Variants in CTNNA1 observed in about 807,000 individuals in gnomAD.
The protein encoded by CTNNA1 is catenin alpha-1.
CTNNA1 carries 37 observed loss-of-function variants against 98.4 expected under a neutral mutation model. That is an observed-to-expected ratio of 0.38 (90% CI 0.29 to 0.49). CTNNA1 has a LOEUF of 0.49. Ranked by LOEUF, CTNNA1 falls within the 20% of genes least tolerant of loss-of-function variation. CTNNA1 has a pLI of 0.95. For synonymous variants in CTNNA1, 404 were observed against 413.2 expected (o/e 0.98, Z 0.27); for missense variants, 761 against 1,147.2 (o/e 0.66, Z 4.86).
intron 9 of CTNNA1, among the ~76,000 whole-genome samples, chr5:138,899,220 GTTTTTT>G (rs142870661): frequency 6.6e-6 from 1 of 151,778 alleles, no homozygotes; most frequent in African/African-American, 2.4e-5. Context: ...TTTTGTTTTT[GTTTTTT>G]TAATTTGTGA....
intron 7 of CTNNA1, among the ~76,000 whole-genome samples, chr5:138,830,723 A>C (rs1761191869): frequency 6.6e-6 from 1 of 152,262 alleles, no homozygotes; most frequent in South Asian, 2.1e-4. Context: ...TATGTGACAC[A>C]TGCAAAGCAG....
At chr5:138,932,339 A>T in intron 16 of CTNNA1, 1 of 1,344,710 alleles carries the variant, frequency 7.4e-7, no homozygotes, top group Non-Finnish European at 9.5e-7. Flanking sequence ...TTGGCTATAC[A>T]ACCAGTGCCA....
At chr5:138,851,371 A>G (rs923938391) in intron 7 of CTNNA1, among the ~76,000 whole-genome samples, 3 of 152,146 alleles carry the variant, frequency 2.0e-5, no homozygotes, top group Admixed American at 6.5e-5. Flanking sequence ...AGGTGATGCT[A>G]CTTTGCCTGT....
intron 2 of CTNNA1, 165 bp downstream of exon 2, chr5:138,782,194 C>A (rs1032064230): frequency 2.8e-6 from 2 of 701,856 alleles, no homozygotes; most frequent in Admixed American, 2.6e-5. Flanking sequence ...TTTAGTTAAC[C>A]CTTGAGAACG....
intron 7 of CTNNA1, chr5:138,869,550 A>G (rs963879517): frequency 5.3e-5 from 8 of 152,212 alleles, no homozygotes; most frequent in Non-Finnish European, 7.3e-5. Flanking sequence ...CACACTTCAG[A>G]AAAAGAACAG....
Position 138,827,851 on chromosome 5 carries a change from G to C in CTNNA1, c.1062+133G>C, listed in dbSNP as rs1181203102. 1.6e-5 allele frequency: 17 copies of C among 1,039,668 alleles called. No homozygotes were observed. In the South Asian group the frequency reaches 2.0e-4, roughly 12 times the overall value. The allele number at this position is 1,039,668 out of a possible 1,614,324, so 64.4% of individuals were successfully genotyped here. Reference sequence around the variant, plus strand: ...CTCCTTGATTTTTGGGAGTAGGTCAGATTTTTAAAGAAATGGATAAATGGC... The same window carrying C: ...CTCCTTGATTTTTGGGAGTAGGTCACATTTTTAAAGAAATGGATAAATGGC... On this transcript the variant is annotated intron_variant, in intron 7 of 17. Transcript: ENST00000302763.
At chr5:138,912,611 G>A (rs1401138445) in intron 10 of CTNNA1, among the ~76,000 whole-genome samples, 1 of 152,146 alleles carries the variant, frequency 6.6e-6, no homozygotes, top group Non-Finnish European at 1.5e-5. Flanking sequence ...AATAGGACAA[G>A]GACGTCCACC....
At chr5:138,844,213 C>G (rs1424210941) in intron 7 of CTNNA1, among the ~76,000 whole-genome samples, 1 of 151,720 alleles carries the variant, frequency 6.6e-6, no homozygotes, top group Non-Finnish European at 1.5e-5. Context: ...TCAGGCTGGT[C>G]TCACATTCCT....
intron 13 of CTNNA1, among the ~76,000 whole-genome samples, chr5:138,926,728 GA>G (rs66931166): frequency 0.028 from 4,168 of 151,064 alleles, 171 homozygotes; most frequent in African/African-American, 0.094. Context: ...TTTTTAGGGG[GA>G]AAAAAAAAGT....
chr5:138,843,968 C>T lies in CTNNA1; in HGVS notation c.1062+16250C>T, dbSNP rs566846941. On this transcript the variant is annotated intron_variant, in intron 7 of 17. Coordinates refer to ENST00000302763, the MANE Select transcript of CTNNA1 (RefSeq NM_001903.5). Reference sequence around the variant, plus strand: ...AAAGTAAGCACTTTTTTTAGAAGGTCAAAAGTGATCATTGCCTATTCATCT... The same window carrying T: ...AAAGTAAGCACTTTTTTTAGAAGGTTAAAAGTGATCATTGCCTATTCATCT... 1.6e-4 allele frequency among the ~76,000 whole-genome samples: 25 copies of T among 152,212 alleles called. No individual in the cohort carries two copies. The South Asian group carries it at 5.2e-3, about 32-fold the overall frequency.
Position 138,810,051 on chromosome 5 carries a change from G to A in CTNNA1, c.315G>A (p.Lys105=). 6.2e-7 allele frequency: 1 copy of A among 1,605,774 alleles called. No individual in the cohort carries two copies. The highest frequency in any genetic ancestry group is 8.5e-7 in the Non-Finnish European group (1 of 1,173,202). Residue 105 remains lysine (K), a synonymous_variant, in exon 4 of 18, where the codon AAG becomes AAA. Transcript: ENST00000302763. ...EDVRKQGDLM[K]AAAGEFADDP... is the part of the protein sequence containing the mutation. ...TCTGTAAAACAGGTGATTTGATGAA[G>A]GCTGCTGCAGGAGAGTTCGCAGATG...
In CTNNA1 at chr5:138,874,954, G is replaced by A; in HGVS notation, c.1063-11258G>A. 6.2e-7 allele frequency: 1 copy of A among 1,611,958 alleles called. No homozygotes were observed. The highest frequency in any genetic ancestry group is 1.1e-5 in the South Asian group (1 of 90,992). On this transcript the variant is annotated intron_variant, in intron 7 of 17. Coordinates refer to ENST00000302763, the MANE Select transcript of CTNNA1 (RefSeq NM_001903.5). This position sits in a 1 kb window ranked among gnomAD's most constrained non-coding sequence, Gnocchi z 4.1. The stretch of plus-strand genomic sequence containing the variant: ...AGGCTGCATTCAGTCGCGGTTGTTA[G>A]ACTCAACGCAGTGAGTCTGTAAAAG...
In CTNNA1 at chr5:138,767,690, A is replaced by G. The variant is rs147441684; in HGVS notation, c.-3+14180A>G. ...CAGTGAGTGCTTGATTTACCAGCTG[A>G]CCATTGTTAACATTTTTCAAATTTT... is the stretch of plus-strand genomic sequence containing the variant. On this transcript the variant is annotated intron_variant, in intron 1 of 17. Coordinates refer to ENST00000302763, the MANE Select transcript of CTNNA1 (RefSeq NM_001903.5). 3.3e-5 allele frequency among the ~76,000 whole-genome samples: 5 copies of G among 152,260 alleles called. No homozygotes were observed. In the East Asian group the frequency reaches 9.6e-4, roughly 29 times the overall value.
intron 9 of CTNNA1, 121 bp downstream of exon 9, chr5:138,887,763 A>T (rs1754397822): frequency 1.3e-6 from 1 of 783,314 alleles, no homozygotes; most frequent in East Asian, 2.7e-5. Flanking sequence ...CATGTCTGAG[A>T]TGATAGTCTT....
chr5:138,841,600 G>T (rs1762275591), intron 7 of CTNNA1, among the ~76,000 whole-genome samples: 1 of 145,398 alleles, frequency 6.9e-6, no homozygotes. Flanking sequence ...ACCAAAGACT[G>T]TTGGGCACCA....
chr5:138,932,401 A>C, intron 16 of CTNNA1, 177 bp from the exon 17 acceptor site: 1 of 1,422,648 alleles, frequency 7.0e-7, no homozygotes. Context: ...ACCCGCCTCC[A>C]TCCCCAAGCA....
In CTNNA1 at chr5:138,888,558, T is replaced by A. The variant is rs528939484; in HGVS notation, c.1296+916T>A. Among the ~76,000 whole-genome samples the A allele has an allele frequency of 2.0e-5, 3 of 152,294 alleles. No individual in the cohort carries two copies. In the East Asian group the frequency reaches 5.8e-4, roughly 29 times the overall value. The stretch of plus-strand genomic sequence containing the variant: ...CCACGTTTTGTTTTGTTTTTATTTG[T>A]TTGTTTTGAAACTGAGTCTTGCTGT... On this transcript the variant is annotated intron_variant, in intron 9 of 17. Transcript: ENST00000302763.
chr5:138,829,955 A>G (rs1158709170), intron 7 of CTNNA1, among the ~76,000 whole-genome samples: 3 of 151,938 alleles, frequency 2.0e-5, no homozygotes, highest in Non-Finnish European at 4.4e-5. Context: ...TCACAAGGTC[A>G]GGAGATAGAG....
In CTNNA1 at chr5:138,899,218, T is replaced by C. The variant is rs560053752; in HGVS notation, c.1297-5131T>C. On this transcript the variant is annotated intron_variant, in intron 9 of 17. Coordinates refer to ENST00000302763, the MANE Select transcript of CTNNA1 (RefSeq NM_001903.5). ...TCCTTGTATACTTTTGTTTTTGTTT[T>C]TGTTTTTTTAATTTGTGAGTTCACA... 1.2e-3 allele frequency among the ~76,000 whole-genome samples: 188 copies of C among 152,344 alleles called. 6 individuals are homozygous for C. Among genetic ancestry groups the C allele is most frequent in the Admixed American group, 1.8e-3 (27 of 15,292 alleles).
Sources: gnomAD v4.1 joint callset for allele counts (sites outside exome capture counted in the v4.1 genomes callset) on GRCh38, gnomAD v4.1.1 for gene constraint, Gnocchi (gnomAD v3.1) non-coding constraint, MANE v1.5 for transcripts, NCBI Gene and HGNC (gene_info 2026-07-23, HGNC 2026-07-21) for gene names.